The following ARHGEF18 variants were observed in gnomAD, a reference collection of about 807,000 sequenced individuals.
The protein encoded by ARHGEF18 is rho guanine nucleotide exchange factor 18.
Under a neutral mutation model 155.7 loss-of-function variants are expected in ARHGEF18, and 93 were observed. That is an observed-to-expected ratio of 0.60 (90% confidence interval 0.50 to 0.71). ARHGEF18 has a LOEUF of 0.71. ARHGEF18 is among the 30% of genes least tolerant of loss of function. The pLI, the probability that ARHGEF18 is intolerant of heterozygous loss-of-function variation, is 0.00. For synonymous variants in ARHGEF18, 742 were observed against 753.1 expected (o/e 0.99, Z 0.24); for missense variants, 1,593 against 1,816.1 (o/e 0.88, Z 2.23).
At chr19:7,371,682 A>C (rs2050865123) in intron 2 of ARHGEF18, among the ~76,000 whole-genome samples, 1 of 152,020 alleles carries the variant, frequency 6.6e-6, no homozygotes, top group Non-Finnish European at 1.5e-5. Context: ...TTAGCCGGAC[A>C]TAATGGTGGG....
intron 2 of ARHGEF18, 107 bp downstream of exon 2, chr19:7,363,012 A>G: frequency 2.7e-6 from 3 of 1,108,998 alleles, no homozygotes; most frequent in Non-Finnish European, 3.4e-6. Flanking sequence ...ACATTATCTC[A>G]GGGAATCCTC....
At chr19:7,464,337 C>A (rs1976483154) in intron 22 of ARHGEF18, among the ~76,000 whole-genome samples, 1 of 152,142 alleles carries the variant, frequency 6.6e-6, no homozygotes, top group African/African-American at 2.4e-5. Context: ...CGCACCCAGC[C>A]GATTTTCTGG....
At chr19:7,403,189 G>A (rs1267999064) in intron 10 of ARHGEF18, among the ~76,000 whole-genome samples, 5 of 152,090 alleles carry the variant, frequency 3.3e-5, no homozygotes, top group Admixed American at 2.0e-4. Context: ...CAATCCGCCC[G>A]CCTTGGCCTC....
At position 7,471,807 on chromosome 19, in the gene ARHGEF18, A is replaced by C. The variant is rs1255126611; in HGVS notation, c.*1509A>C. On this transcript the variant is annotated 3_prime_UTR_variant, in exon 29 of 29. Coordinates refer to ENST00000668164, the MANE Select transcript of ARHGEF18 (RefSeq NM_001367823.1). The surrounding 1 kb of genome is among the most constrained non-coding windows in gnomAD (Gnocchi z 4.4). ...GGTGCCAACCGGGAACCAGAGCCCC[A>C]CAGCCATACAGCCCATTGGTGACAA... 1 of 152,186 alleles carries C rather than the reference A, an allele frequency of 6.6e-6. No individual in the cohort carries two copies. Among genetic ancestry groups the C allele is most frequent in the Non-Finnish European group, 1.5e-5 (1 of 68,062 alleles). 9.4% of individuals were successfully genotyped at this position (152,186 alleles called of 1,614,324 possible). A position where few individuals can be genotyped will look rare whatever the true frequency, so the allele number is the denominator to read the frequency against.
In ARHGEF18 at chr19:7,470,471, G is replaced by A; in HGVS notation, c.*173G>A. 3.8e-6 allele frequency: 2 copies of A among 527,786 alleles called. No homozygotes were observed. The highest frequency in any genetic ancestry group is 2.9e-6 in the Non-Finnish European group (1 of 344,880). 32.7% of individuals were successfully genotyped at this position (527,786 alleles called of 1,614,324 possible). ...TGTCGGTGCTCTGGGCCTTGCAGCT[G>A]TTTCTGTAGGGTTAGCGGTGGTGCC... is the stretch of plus-strand genomic sequence containing the variant. On this transcript the variant is annotated 3_prime_UTR_variant, in exon 29 of 29. Transcript: ENST00000668164. This position sits in a 1 kb window ranked among gnomAD's most constrained non-coding sequence, Gnocchi z 5.9.
Position 7,470,320 on chromosome 19 carries a change from A to G in ARHGEF18, c.*22A>G, listed in dbSNP as rs1376053748. The G allele has an allele frequency of 5.4e-6, 8 of 1,483,374 alleles. No individual in the cohort carries two copies. The highest frequency in any genetic ancestry group is 7.2e-6 in the Non-Finnish European group (8 of 1,114,486). The allele number at this position is 1,483,374 out of a possible 1,614,324, so 91.9% of individuals were successfully genotyped here. Reference sequence around the variant, plus strand: ...CTAAAAGGGCCGTGACTCAAGGTGCAAGGCCCCTCCCTGCCCTGCCCACCC... The same window carrying G: ...CTAAAAGGGCCGTGACTCAAGGTGCGAGGCCCCTCCCTGCCCTGCCCACCC... On this transcript the variant is annotated 3_prime_UTR_variant, in exon 29 of 29. Coordinates refer to ENST00000668164, the MANE Select transcript of ARHGEF18 (RefSeq NM_001367823.1). This position sits in a 1 kb window ranked among gnomAD's most constrained non-coding sequence, Gnocchi z 5.9.
intron 10 of ARHGEF18, among the ~76,000 whole-genome samples, chr19:7,397,837 A>T (rs899007184): frequency 1.3e-5 from 2 of 151,606 alleles, no homozygotes; most frequent in Non-Finnish European, 2.9e-5. Flanking sequence ...CCAAAGTGCT[A>T]GGATTACAGG....
intron 10 of ARHGEF18, among the ~76,000 whole-genome samples, chr19:7,402,938 T>C (rs1972095835): frequency 6.6e-6 from 1 of 152,180 alleles, no homozygotes; most frequent in Non-Finnish European, 1.5e-5. Flanking sequence ...TATGTTATAT[T>C]ATAGCAAATT....
At chr19:7,437,093 A>C (rs1395898918) in intron 10 of ARHGEF18, among the ~76,000 whole-genome samples, 1 of 152,108 alleles carries the variant, frequency 6.6e-6, no homozygotes, top group Non-Finnish European at 1.5e-5. Flanking sequence ...ACACACACTC[A>C]CCTGCTCGTT....
At chr19:7,430,478 C>A (rs577975630) in intron 10 of ARHGEF18, among the ~76,000 whole-genome samples, 2 of 152,128 alleles carry the variant, frequency 1.3e-5, no homozygotes, top group Non-Finnish European at 2.9e-5. Flanking sequence ...GCTGGAATTA[C>A]AGGCATGAGC....
At chr19:7,392,310 G>A (rs929555792) in intron 10 of ARHGEF18, among the ~76,000 whole-genome samples, 1 of 150,700 alleles carries the variant, frequency 6.6e-6, no homozygotes, top group Admixed American at 6.6e-5. Context: ...GATGGGAGAT[G>A]TTTCTCCTTC....
chr19:7,435,900 C>CA (rs1974225806), intron 10 of ARHGEF18, among the ~76,000 whole-genome samples: 2 of 152,122 alleles, frequency 1.3e-5, no homozygotes, highest in South Asian at 4.1e-4. Context: ...GTGGGGCAGT[C>CA]ATAGCTCACC....
intron 18 of ARHGEF18, among the ~76,000 whole-genome samples, chr19:7,458,046 G>A (rs1415825661): frequency 6.6e-6 from 1 of 152,042 alleles, no homozygotes; most frequent in Admixed American, 6.6e-5. Flanking sequence ...CAGCACTTTG[G>A]GAGGCCGAGA....
At position 7,416,955 on chromosome 19, in the gene ARHGEF18, T is replaced by C. The variant is rs528478061; in HGVS notation, c.968-23389T>C. 2.8e-5 allele frequency among the ~76,000 whole-genome samples: 4 copies of C among 145,414 alleles called. No homozygotes were observed. In the South Asian group the frequency reaches 8.8e-4, roughly 32 times the overall value. ...GATGGAGTCTCACACTGTTGCCCAT[T>C]CTGGAGTGCAGTGGCACCATCTCGG... On this transcript the variant is annotated intron_variant, in intron 10 of 28. Transcript: ENST00000668164.
downstream of ARHGEF18, chr19:7,473,384 C>T (rs888949298): frequency 1.4e-5 from 6 of 434,542 alleles, no homozygotes; most frequent in Middle Eastern, 6.8e-4. Context: ...AAAGGAGGGC[C>T]GGGCACAGTG....
At chr19:7,403,692 C>T (rs946851236) in intron 10 of ARHGEF18, among the ~76,000 whole-genome samples, 8 of 152,008 alleles carry the variant, frequency 5.3e-5, no homozygotes, top group Non-Finnish European at 8.8e-5. Flanking sequence ...TGTGCGCCAC[C>T]GTGCCCGGCT....
At chr19:7,402,937 T>C (rs1972095691) in intron 10 of ARHGEF18, among the ~76,000 whole-genome samples, 1 of 152,028 alleles carries the variant, frequency 6.6e-6, no homozygotes. Context: ...TTATGTTATA[T>C]TATAGCAAAT....
chr19:7,354,650 A>G (rs1019670493), intron 1 of ARHGEF18, among the ~76,000 whole-genome samples: 1 of 151,348 alleles, frequency 6.6e-6, no homozygotes, highest in African/African-American at 2.4e-5. Flanking sequence ...CTGCAATCCC[A>G]GCACTTTGCG....
chr19:7,475,558 A>G (rs1414726964), downstream of ARHGEF18, among the ~76,000 whole-genome samples: 2 of 152,278 alleles, frequency 1.3e-5, no homozygotes, highest in East Asian at 3.9e-4. Context: ...ACACACACAC[A>G]CAACCACTGG....
Sources: gnomAD v4.1 joint callset for allele counts (sites outside exome capture counted in the v4.1 genomes callset) on GRCh38, gnomAD v4.1.1 for gene constraint, Gnocchi (gnomAD v3.1) non-coding constraint, MANE v1.5 for transcripts, NCBI Gene and HGNC (gene_info 2026-07-23, HGNC 2026-07-21) for gene names.